Variants in CCDC158 observed in about 807,000 individuals in gnomAD.
CCDC158 encodes coiled-coil domain-containing protein 158.
Under a neutral mutation model 138.6 loss-of-function variants are expected in CCDC158, and 116 were observed. The observed-to-expected ratio is 0.84, with a 90% CI of 0.72 to 0.98. The LOEUF (loss-of-function observed/expected upper bound fraction) is 0.98. CCDC158 is among the 50% of genes least tolerant of loss of function. The pLI, the probability that CCDC158 is intolerant of heterozygous loss-of-function variation, is 0.00. For missense variants in CCDC158, 1,265 were observed against 1,306.1 expected (o/e 0.97, Z 0.48); for synonymous variants, 436 against 442.4 (o/e 0.99, Z 0.18).
chr4:76,323,491 A>T, intron 23 of CCDC158, 82 bp from the exon 24 acceptor site: 1 of 1,094,114 alleles, frequency 9.1e-7, no homozygotes, highest in Admixed American at 2.6e-5. Context: ...AGGCTAAACA[A>T]TTTTTCTTTA....
At chr4:76,367,894 C>A in intron 11 of CCDC158, 118 bp from the exon 12 acceptor site, 5 of 684,956 alleles carry the variant, frequency 7.3e-6, no homozygotes, top group African/African-American at 1.9e-5. Flanking sequence ...TTAGTAAGAT[C>A]TTTTTTTTTT....
chr4:76,412,251 T>C (rs763200103), intron 1 of CCDC158, 119 bp from the exon 2 acceptor site: 1 of 152,234 alleles, frequency 6.6e-6, no homozygotes, highest in Non-Finnish European at 1.5e-5. Flanking sequence ...TGACAATATG[T>C]AAAACACACA....
At position 76,369,551 on chromosome 4, in the gene CCDC158, T is replaced by C; in HGVS notation, c.1222A>G (p.Thr408Ala). 1 of 1,614,194 alleles carries C rather than the reference T, an allele frequency of 6.2e-7. No homozygotes were observed. Among genetic ancestry groups the C allele is most frequent in the Non-Finnish European group, 8.5e-7 (1 of 1,180,028 alleles). Residue 408 changes from threonine to alanine, a missense_variant, in exon 11 of 25, where the codon ACA (threonine) becomes GCA (alanine). Coordinates refer to ENST00000682701, the MANE Select transcript of CCDC158 (RefSeq NM_001394954.1). ...EQNKRLWDRD[T>A]GNSITIDHLR... is the part of the protein sequence containing the mutation. The stretch of plus-strand genomic sequence containing the variant: ...TGGTCAATGGTGATGCTGTTGCCTG[T>C]GTCTCGGTCCCACAGACGCTTATTC...
chr4:76,336,181 CAAAAAAAAAAAA>C (rs34498886), intron 18 of CCDC158, among the ~76,000 whole-genome samples: 1 of 56,042 alleles, frequency 1.8e-5, no homozygotes, highest in South Asian at 1.0e-3. Context: ...GACTCTGTCT[CAAAAAAAAAAAA>C]AAAAAAAAAA....
intron 4 of CCDC158, among the ~76,000 whole-genome samples, chr4:76,387,982 C>T (rs9654171): frequency 0.029 from 4,464 of 152,140 alleles, 218 homozygotes; most frequent in African/African-American, 0.1. Context: ...CACTGCACTC[C>T]AGCCTGGGTG....
chr4:76,414,604 C>T (rs778854766), intron 1 of CCDC158, among the ~76,000 whole-genome samples: 6 of 152,314 alleles, frequency 3.9e-5, no homozygotes, highest in Non-Finnish European at 4.4e-5. Context: ...AGAATTCCCA[C>T]GTGTGTGGGA....
At chr4:76,388,355 CT>C (rs913011949) in intron 4 of CCDC158, among the ~76,000 whole-genome samples, 57 of 152,200 alleles carry the variant, frequency 3.7e-4, no homozygotes, top group African/African-American at 1.3e-3. Context: ...AGAAGGGAAC[CT>C]AGTGCCCTAA....
chr4:76,415,737 C>T (rs1729636458), intron 1 of CCDC158, among the ~76,000 whole-genome samples: 1 of 152,226 alleles, frequency 6.6e-6, no homozygotes. Context: ...TGCAAGCCTT[C>T]TGTTATGCCC....
chr4:76,407,372 G>A (rs1728915398), intron 2 of CCDC158: 1 of 150,458 alleles, frequency 6.6e-6, no homozygotes, highest in African/African-American at 2.4e-5. Context: ...CAAATAGAAT[G>A]TTAGTCAAGA....
intron 3 of CCDC158, among the ~76,000 whole-genome samples, chr4:76,398,389 G>C (rs367826369): frequency 1.3e-5 from 2 of 152,054 alleles, no homozygotes; most frequent in Non-Finnish European, 2.9e-5. Flanking sequence ...TCACTTGGCC[G>C]GGCGTGGTGG....
At chr4:76,355,675 G>T (rs1442385459) in intron 14 of CCDC158, among the ~76,000 whole-genome samples, 1 of 152,006 alleles carries the variant, frequency 6.6e-6, no homozygotes, top group African/African-American at 2.4e-5. Context: ...GTTTTGTAGG[G>T]TTTTTGCCAC....
At chr4:76,358,851 T>A (rs1161954786) in intron 13 of CCDC158, among the ~76,000 whole-genome samples, 1 of 152,200 alleles carries the variant, frequency 6.6e-6, no homozygotes, top group Non-Finnish European at 1.5e-5. Flanking sequence ...TACCACAGTG[T>A]CTTGCATAGT....
intron 24 of CCDC158, among the ~76,000 whole-genome samples, chr4:76,319,563 T>C (rs1719813928): frequency 8.1e-6 from 1 of 123,418 alleles, no homozygotes; most frequent in East Asian, 2.7e-4. Flanking sequence ...GCTAACTGAA[T>C]CCAACACCAT....
At chr4:76,346,515 T>A (rs1323718753) in intron 18 of CCDC158, among the ~76,000 whole-genome samples, 1 of 152,102 alleles carries the variant, frequency 6.6e-6, no homozygotes, top group Admixed American at 6.5e-5. Flanking sequence ...ATTGAGACCA[T>A]CCTGGCCAAC....
chr4:76,361,768 A>G (rs966592380), intron 13 of CCDC158, among the ~76,000 whole-genome samples: 3 of 151,646 alleles, frequency 2.0e-5, no homozygotes, highest in African/African-American at 2.4e-5. Context: ...GACTCCAAGG[A>G]CTCAAGGTTT....
At chr4:76,395,655 T>TAG (rs3041162) in intron 4 of CCDC158, among the ~76,000 whole-genome samples, 4,473 of 152,148 alleles carry the variant, frequency 0.029, 215 homozygotes, top group African/African-American at 0.1. Flanking sequence ...ACTACCAGAA[T>TAG]AGGTACCAAT....
Position 76,332,544 on chromosome 4 carries a change from T to C in CCDC158, c.2823-53A>G, listed in dbSNP as rs1051205429. 3.6e-6 allele frequency: 5 copies of C among 1,375,770 alleles called. No homozygotes were observed. The African/African-American group carries it at 4.4e-5, about 12-fold the overall frequency. 85.2% of individuals were successfully genotyped at this position (1,375,770 alleles called of 1,614,324 possible). ...ATCATATAAAGCACAATTTCATCCATGTCTTTTTTAGACTAATCAATTGCT... is the reference window on the plus strand; with the variant it reads ...ATCATATAAAGCACAATTTCATCCACGTCTTTTTTAGACTAATCAATTGCT... On this transcript the variant is annotated intron_variant, in intron 19 of 24. Coordinates refer to ENST00000682701, the MANE Select transcript of CCDC158 (RefSeq NM_001394954.1).
intron 1 of CCDC158, among the ~76,000 whole-genome samples, chr4:76,416,512 T>TGAA (rs1729712850): frequency 6.6e-6 from 1 of 152,142 alleles, no homozygotes; most frequent in Non-Finnish European, 1.5e-5. Context: ...GAGACCTTCA[T>TGAA]GGCAGCCCAC....
In CCDC158 at chr4:76,336,961, A is replaced by G. The variant is rs141812246; in HGVS notation, c.2665-2794T>C. ...TGTCCTATACCTTGTATTTTTGGGT[A>G]TTCACTACAACAATAGAAATGTCTT... On this transcript the variant is annotated intron_variant, in intron 18 of 24. Coordinates refer to ENST00000682701, the MANE Select transcript of CCDC158 (RefSeq NM_001394954.1). 4.0e-3 allele frequency among the ~76,000 whole-genome samples: 606 copies of G among 152,236 alleles called. 3 individuals are homozygous for G. The highest frequency in any genetic ancestry group is 0.014 in the African/African-American group (575 of 41,534).
Sources: gnomAD v4.1 joint callset for allele counts (sites outside exome capture counted in the v4.1 genomes callset) on GRCh38, gnomAD v4.1.1 for gene constraint, MANE v1.5 for transcripts, NCBI Gene and HGNC (gene_info 2026-07-23, HGNC 2026-07-21) for gene names.